PLEKHM3: variants seen among roughly 807,000 people sequenced by gnomAD.
The protein encoded by PLEKHM3 is pleckstrin homology domain containing M3, also known as pleckstrin homology domain-containing family M member 3.
A neutral mutation model predicts 81.8 loss-of-function variants in PLEKHM3; 45 were observed. That is an observed-to-expected ratio of 0.55 (90% CI 0.43 to 0.71). The LOEUF (loss-of-function observed/expected upper bound fraction) is 0.71, where lower values mean the gene tolerates loss of function less well. Ranked by LOEUF, PLEKHM3 falls within the 30% of genes least tolerant of loss-of-function variation. PLEKHM3 has a pLI of 0.00. For synonymous variants in PLEKHM3, 352 were observed against 356.4 expected, an observed-to-expected ratio of 0.99 and a Z score of 0.14; for missense variants, 788 against 924.3, an observed-to-expected ratio of 0.85 and a Z score of 1.91.
Position 207,865,801 on chromosome 2 carries a change from A to AAAAAAAAAAAAAT in PLEKHM3, c.1951-4540_1951-4539insATTTTTTTTTTTT. 2.3e-3 allele frequency among the ~76,000 whole-genome samples: 59 copies of AAAAAAAAAAAAAT among 25,284 alleles called. 13 individuals are homozygous for AAAAAAAAAAAAAT. The highest frequency in any genetic ancestry group is 3.3e-3 in the Non-Finnish European group (43 of 13,196). The allele number at this position is 25,284 out of a possible 152,430, so 16.6% of individuals were successfully genotyped here. On this transcript the variant is annotated intron_variant, in intron 6 of 7. Transcript: ENST00000427836. Reference sequence around the variant, plus strand: ...CGACTCAAAAAAAAAAAAAAAAAAAAAGATATATATATATATATATATATA... The same window carrying AAAAAAAAAAAAAT: ...CGACTCAAAAAAAAAAAAAAAAAAAAAAAAAAAAAAAATAGATATATATATATATATATATATA...
intron 5 of PLEKHM3, among the ~76,000 whole-genome samples, chr2:207,911,199 C>T (rs950320197): frequency 6.6e-6 from 1 of 152,106 alleles, no homozygotes; most frequent in Non-Finnish European, 1.5e-5. Context: ...GGGGGCTGAA[C>T]CCAGATGAGG....
intron 6 of PLEKHM3, among the ~76,000 whole-genome samples, chr2:207,892,768 C>T (rs1356871316): frequency 6.6e-6 from 1 of 152,200 alleles, no homozygotes; most frequent in East Asian, 1.9e-4. Context: ...GAATAACTTG[C>T]TCCTGTTAAC....
intron 1 of PLEKHM3, among the ~76,000 whole-genome samples, chr2:208,012,406 G>T (rs1199515490): frequency 6.6e-6 from 1 of 152,204 alleles, no homozygotes. Context: ...ATTGTCAATT[G>T]TAGTTCCCAA....
Position 207,977,424 on chromosome 2 carries a change from T to TGGTA in PLEKHM3, c.769_772dup (p.Gln258LeufsTer26), listed in dbSNP as rs770020847. 1 of 1,614,184 alleles carries TGGTA rather than the reference T, an allele frequency of 6.2e-7. No individual in the cohort carries two copies. Among genetic ancestry groups the TGGTA allele is most frequent in the Admixed American group, 1.7e-5 (1 of 60,026 alleles). On this transcript the variant is annotated frameshift_variant, in exon 3 of 8. Transcript: ENST00000427836. LOFTEE classifies it high-confidence loss of function. ...AGATATGCTCTGGAAGTGTGAAAGC[T>TGGTA]GGTACGTGGCATAAAGGTTTTGATT... is the stretch of plus-strand genomic sequence containing the variant.
intron 4 of PLEKHM3, among the ~76,000 whole-genome samples, chr2:207,934,227 A>C (rs111487721): frequency 3.3e-5 from 5 of 152,328 alleles, no homozygotes; most frequent in African/African-American, 1.2e-4. Flanking sequence ...GTTCCAACTA[A>C]GAGCTAAGAG....
intron 5 of PLEKHM3, among the ~76,000 whole-genome samples, chr2:207,909,132 T>C (rs1320365775): frequency 6.6e-6 from 1 of 152,200 alleles, no homozygotes; most frequent in African/African-American, 2.4e-5. Context: ...TCCTCTCATA[T>C]GTACAGTGAT....
intron 7 of PLEKHM3, among the ~76,000 whole-genome samples, chr2:207,848,020 G>A (rs1014832635): frequency 2.6e-5 from 4 of 152,194 alleles, no homozygotes; most frequent in African/African-American, 9.7e-5. Flanking sequence ...ACCAACAAAG[G>A]AATGTGTCAG....
chr2:207,989,218 C>T (rs946735292), intron 2 of PLEKHM3, among the ~76,000 whole-genome samples: 1 of 152,184 alleles, frequency 6.6e-6, no homozygotes, highest in Non-Finnish European at 1.5e-5. Flanking sequence ...AGACACAGAT[C>T]GTGTCAACAG....
chr2:207,844,441 T>C (rs2105892044), intron 7 of PLEKHM3, among the ~76,000 whole-genome samples: 1 of 143,214 alleles, frequency 7.0e-6, no homozygotes, highest in African/African-American at 2.5e-5. Context: ...TAGCTGGGAC[T>C]ACAGGCGCCC....
intron 2 of PLEKHM3, among the ~76,000 whole-genome samples, chr2:208,000,253 T>A (rs1210512691): frequency 6.6e-6 from 1 of 152,200 alleles, no homozygotes; most frequent in Non-Finnish European, 1.5e-5. Flanking sequence ...CAGGGTCTGC[T>A]TGCTCTCTTC....
intron 5 of PLEKHM3, among the ~76,000 whole-genome samples, chr2:207,927,422 A>G (rs1345978416): frequency 6.6e-6 from 1 of 150,458 alleles, no homozygotes; most frequent in Non-Finnish European, 1.5e-5. Flanking sequence ...AGGCTGAGGC[A>G]GGAGAATCGC....
intron 5 of PLEKHM3, among the ~76,000 whole-genome samples, chr2:207,911,170 G>T (rs1688798549): frequency 6.6e-6 from 1 of 152,074 alleles, no homozygotes; most frequent in Non-Finnish European, 1.5e-5. Context: ...AATGGAGTGA[G>T]GAAAAACCTG....
At chr2:207,871,733 G>GT (rs2092535819) in intron 6 of PLEKHM3, among the ~76,000 whole-genome samples, 1 of 152,134 alleles carries the variant, frequency 6.6e-6, no homozygotes, top group African/African-American at 2.4e-5. Context: ...TTTGCAAAGA[G>GT]TAAGTACAAG....
chr2:208,014,819 C>T (rs1233848902), intron 1 of PLEKHM3, among the ~76,000 whole-genome samples: 2 of 152,156 alleles, frequency 1.3e-5, no homozygotes, highest in Non-Finnish European at 2.9e-5. Context: ...CTGATCCATA[C>T]TTCTCGGATT....
intron 6 of PLEKHM3, among the ~76,000 whole-genome samples, chr2:207,897,707 C>A (rs1343266847): frequency 6.6e-6 from 1 of 152,200 alleles, no homozygotes; most frequent in African/African-American, 2.4e-5. Context: ...TTGCTCCAGG[C>A]AGAAACTCCA....
At chr2:207,971,861 CA>C (rs1004440711) in intron 3 of PLEKHM3, among the ~76,000 whole-genome samples, 1 of 152,212 alleles carries the variant, frequency 6.6e-6, no homozygotes, top group African/African-American at 2.4e-5. Context: ...CTTCTCTGCT[CA>C]AGAACCTTCT....
rs562207912 is a variant in PLEKHM3 at position 207,881,676 on chromosome 2, C to T, written c.1951-20414G>A. On this transcript the variant is annotated intron_variant, in intron 6 of 7. Coordinates refer to ENST00000427836, the MANE Select transcript of PLEKHM3 (RefSeq NM_001080475.3). ...GGGCCAAGAAGGCCCTTTGAAGTTCCGTGTTCTGTCCCGTGACAGCCTGCG... is the reference window on the plus strand; with the variant it reads ...GGGCCAAGAAGGCCCTTTGAAGTTCTGTGTTCTGTCCCGTGACAGCCTGCG... Among the ~76,000 whole-genome samples, 10 of 152,288 alleles carry T rather than the reference C, an allele frequency of 6.6e-5. No individual in the cohort carries two copies. The South Asian group carries it at 8.3e-4, about 13-fold the overall frequency.
chr2:207,940,358 C>A (rs1559247574), intron 4 of PLEKHM3, among the ~76,000 whole-genome samples: 1 of 152,122 alleles, frequency 6.6e-6, no homozygotes, highest in East Asian at 1.9e-4. Flanking sequence ...AAATTTGGTA[C>A]ACACTATGTG....
chr2:208,006,524 C>G (rs568176193), intron 1 of PLEKHM3, among the ~76,000 whole-genome samples: 2 of 152,194 alleles, frequency 1.3e-5, no homozygotes, highest in African/African-American at 2.4e-5. Flanking sequence ...CTACCTGTAT[C>G]CCATAGAGTT....
Sources: allele counts gnomAD v4.1 joint callset (sites outside exome capture counted in the v4.1 genomes callset), GRCh38; gene constraint gnomAD v4.1.1; transcripts MANE v1.5; gene names NCBI Gene and HGNC (gene_info 2026-07-23, HGNC 2026-07-21).